The following TBC1D14 variants were observed in gnomAD, a reference collection of about 807,000 sequenced individuals.
The protein encoded by TBC1D14 is TBC1 domain family member 14.
TBC1D14 carries 26 observed loss-of-function variants against 79.0 expected under a neutral mutation model. The ratio of observed to expected loss-of-function variants is 0.33; its 90% CI spans 0.24 to 0.46. The LOEUF (loss-of-function observed/expected upper bound fraction) is 0.46. TBC1D14 is among the 20% of genes least tolerant of loss of function. TBC1D14 has a pLI of 1.00. For missense variants in TBC1D14, 769 were observed against 887.6 expected (o/e 0.87, Z 1.70); for synonymous variants, 394 against 349.9 (o/e 1.13, Z -1.40).
chr4:7,015,949 A>C (rs1384994310), intron 12 of TBC1D14, among the ~76,000 whole-genome samples: 1 of 152,238 alleles, frequency 6.6e-6, no homozygotes, highest in African/African-American at 2.4e-5. Flanking sequence ...GTAAATGTCA[A>C]ACCACTGTGA....
rs967599188 is a variant in TBC1D14 at position 6,962,196 on chromosome 4, G to A, written c.723-5108G>A. ...AGGTGAGATATGCCAGCACCTAGGCGCTGTGCAGGTATGGATGGTGGCGGG... is the reference window on the plus strand; with the variant it reads ...AGGTGAGATATGCCAGCACCTAGGCACTGTGCAGGTATGGATGGTGGCGGG... On this transcript the variant is annotated intron_variant, in intron 2 of 13. Transcript: ENST00000409757. Among the ~76,000 whole-genome samples, 5 of 152,178 alleles carry A rather than the reference G, an allele frequency of 3.3e-5. No individual in the cohort carries two copies. In the East Asian group the frequency reaches 9.6e-4, roughly 29 times the overall value.
chr4:6,980,063 A>G (rs1463537090), intron 3 of TBC1D14, among the ~76,000 whole-genome samples: 2 of 152,224 alleles, frequency 1.3e-5, no homozygotes, highest in African/African-American at 2.4e-5. Flanking sequence ...CTAATTCACA[A>G]TTTATAGAAC....
intron 1 of TBC1D14, among the ~76,000 whole-genome samples, chr4:6,914,545 C>G (rs1341024755): frequency 1.3e-5 from 2 of 152,232 alleles, no homozygotes; most frequent in Non-Finnish European, 2.9e-5. Flanking sequence ...CGGCACAGCT[C>G]TGTTACTACG....
chr4:6,959,474 G>A (rs1269737124), intron 2 of TBC1D14, among the ~76,000 whole-genome samples: 1 of 152,142 alleles, frequency 6.6e-6, no homozygotes, highest in Non-Finnish European at 1.5e-5. Flanking sequence ...CTGGTGTGAA[G>A]GCTGTGGTCC....
intron 12 of TBC1D14, among the ~76,000 whole-genome samples, chr4:7,022,324 G>T (rs1298205604): frequency 3.9e-5 from 6 of 152,248 alleles, no homozygotes; most frequent in Non-Finnish European, 7.3e-5. Flanking sequence ...GCCAGAGCCT[G>T]CAAGGCCCAA....
At chr4:6,959,723 G>T (rs560397863) in intron 2 of TBC1D14, among the ~76,000 whole-genome samples, 1 of 152,288 alleles carries the variant, frequency 6.6e-6, no homozygotes, top group Admixed American at 6.5e-5. Flanking sequence ...TCTTCCAAAG[G>T]CCTTGTTTTT....
chr4:6,921,357 C>T (rs569170353), intron 1 of TBC1D14, among the ~76,000 whole-genome samples: 2 of 151,998 alleles, frequency 1.3e-5, no homozygotes, highest in East Asian at 1.9e-4. Context: ...CACAGACGTG[C>T]CACCACACCC....
At chr4:6,938,030 C>A (rs1283873840) in intron 2 of TBC1D14, among the ~76,000 whole-genome samples, 2 of 152,106 alleles carry the variant, frequency 1.3e-5, no homozygotes, top group East Asian at 3.9e-4. Flanking sequence ...CTTCATTCCA[C>A]TCCTCCCGGG....
chr4:6,944,330 T>C (rs1489074781), intron 2 of TBC1D14, among the ~76,000 whole-genome samples: 2 of 152,250 alleles, frequency 1.3e-5, no homozygotes, highest in African/African-American at 4.8e-5. Flanking sequence ...GATTTCATCC[T>C]GTGAATCATT....
intron 2 of TBC1D14, among the ~76,000 whole-genome samples, chr4:6,949,122 T>C (rs1481951660): frequency 6.6e-6 from 1 of 151,818 alleles, no homozygotes; most frequent in Admixed American, 6.6e-5. Context: ...TGCAGTGAGC[T>C]GAGATCTTGG....
chr4:6,920,941 G>A (rs985185312), intron 1 of TBC1D14, among the ~76,000 whole-genome samples: 3 of 152,196 alleles, frequency 2.0e-5, no homozygotes, highest in African/African-American at 4.8e-5. Context: ...ACCACGTGCA[G>A]CTAATTTTTT....
intron 3 of TBC1D14, among the ~76,000 whole-genome samples, chr4:6,992,006 C>T (rs1429485368): frequency 6.6e-6 from 1 of 152,182 alleles, no homozygotes; most frequent in Non-Finnish European, 1.5e-5. Context: ...GGTTTTCTGC[C>T]TTTCCCGTGG....
At chr4:6,922,382 A>G (rs1410411286) in intron 1 of TBC1D14, among the ~76,000 whole-genome samples, 1 of 152,152 alleles carries the variant, frequency 6.6e-6, no homozygotes, top group Non-Finnish European at 1.5e-5. Context: ...GTGTAATCCT[A>G]AACCAAGCCT....
At chr4:6,965,125 G>C (rs905629239) in intron 2 of TBC1D14, among the ~76,000 whole-genome samples, 1 of 151,894 alleles carries the variant, frequency 6.6e-6, no homozygotes, top group African/African-American at 2.4e-5. Flanking sequence ...CAAATCCACA[G>C]TCTGTAACCA....
At chr4:6,968,706 T>TGACC (rs1715935229) in intron 3 of TBC1D14, among the ~76,000 whole-genome samples, 1 of 148,130 alleles carries the variant, frequency 6.8e-6, no homozygotes, top group South Asian at 2.1e-4. Context: ...GGAGGCTGAC[T>TGACC]GCCGGGAGGA....
chr4:6,913,061 T>C (rs1723132188), intron 1 of TBC1D14, among the ~76,000 whole-genome samples: 1 of 151,832 alleles, frequency 6.6e-6, no homozygotes, highest in East Asian at 1.9e-4. Flanking sequence ...TGGTGTGAGA[T>C]CTCGGCTCAC....
Position 6,979,921 on chromosome 4 carries a change from A to T in TBC1D14, c.843+12497A>T, listed in dbSNP as rs1170055920. Among the ~76,000 whole-genome samples the T allele has an allele frequency of 3.3e-5, 5 of 152,218 alleles. No homozygotes were observed. In the South Asian group the frequency reaches 1.0e-3, roughly 31 times the overall value. On this transcript the variant is annotated intron_variant, in intron 3 of 13. Coordinates refer to ENST00000409757, the MANE Select transcript of TBC1D14 (RefSeq NM_020773.3). ...CTGCAAAATACATGAAGCAAAGTCT[A>T]TTAGATCTGAAACAAATGGACACGT...
At chr4:6,968,876 C>T (rs1461538109) in intron 3 of TBC1D14, among the ~76,000 whole-genome samples, 1 of 152,178 alleles carries the variant, frequency 6.6e-6, no homozygotes, top group Non-Finnish European at 1.5e-5. Context: ...GGGGTCTGGC[C>T]CAGTGCTGCG....
intron 1 of TBC1D14, among the ~76,000 whole-genome samples, chr4:6,918,404 T>A (rs1723573723): frequency 6.6e-6 from 1 of 152,238 alleles, no homozygotes; most frequent in Admixed American, 6.5e-5. Flanking sequence ...TTTTGTGGCT[T>A]ACATTCGTGT....
Sources: allele counts gnomAD v4.1 joint callset (sites outside exome capture counted in the v4.1 genomes callset), GRCh38; gene constraint gnomAD v4.1.1; transcripts MANE v1.5; gene names NCBI Gene and HGNC (gene_info 2026-07-23, HGNC 2026-07-21).